Variants in UNC5D observed in about 807,000 individuals in gnomAD.
UNC5D encodes the protein unc-5 netrin receptor D.
In UNC5D, 39 loss-of-function variants were observed where a neutral mutation model predicts 105.4. The observed-to-expected ratio is 0.37, with a 90% CI of 0.29 to 0.48. The LOEUF is 0.48. Among genes scored for constraint, UNC5D ranks in the 20% least tolerant of loss-of-function variants. The pLI is 0.98. For synonymous variants in UNC5D, 452 were observed against 450.4 expected, an observed-to-expected ratio of 1.00 and a Z score of -0.04; for missense variants, 991 against 1,202.4, an observed-to-expected ratio of 0.82 and a Z score of 2.60.
rs1813028977 is a variant in UNC5D at position 35,515,201 on chromosome 8, T to C, written c.104-34091T>C. Among the ~76,000 whole-genome samples, 2 of 152,238 alleles carry C rather than the reference T, an allele frequency of 1.3e-5. 1 individual carries two copies. Among genetic ancestry groups the C allele is most frequent in the South Asian group, 4.1e-4 (2 of 4,826 alleles). On this transcript the variant is annotated intron_variant, in intron 1 of 16. Coordinates refer to ENST00000404895, the MANE Select transcript of UNC5D (RefSeq NM_080872.4). ...AACTTTTGTGGCCTTACCAAAGATC[T>C]GAATTAATTGCCTGAAATTATTGTT...
intron 1 of UNC5D, among the ~76,000 whole-genome samples, chr8:35,262,777 G>A (rs1304518168): frequency 6.6e-6 from 1 of 152,124 alleles, no homozygotes; most frequent in Non-Finnish European, 1.5e-5. Context: ...GCTTCTTAAA[G>A]TGATTTATAG....
intron 1 of UNC5D, among the ~76,000 whole-genome samples, chr8:35,396,208 T>C (rs1340651668): frequency 6.6e-6 from 1 of 152,158 alleles, no homozygotes. Context: ...TCCCCGTAAC[T>C]ACTCTCAGGG....
chr8:35,396,587 T>C (rs1435432003), intron 1 of UNC5D, among the ~76,000 whole-genome samples: 1 of 151,962 alleles, frequency 6.6e-6, no homozygotes, highest in Non-Finnish European at 1.5e-5. Flanking sequence ...AACCTGTGTC[T>C]CCTGGGTTCA....
At chr8:35,740,016 T>C (rs1220380263) in intron 11 of UNC5D, among the ~76,000 whole-genome samples, 1 of 152,170 alleles carries the variant, frequency 6.6e-6, no homozygotes, top group Non-Finnish European at 1.5e-5. Context: ...CAAATTACGG[T>C]GGGTGTTCTG....
At position 35,649,895 on chromosome 8, in the gene UNC5D, G is replaced by T. The variant is rs535453422; in HGVS notation, c.571-33652G>T. ...GAGAAACCCGATGACTGAATCTACCGTAGTATTCTCGTCTCCATCCTGGAA... is the reference window on the plus strand; with the variant it reads ...GAGAAACCCGATGACTGAATCTACCTTAGTATTCTCGTCTCCATCCTGGAA... On this transcript the variant is annotated intron_variant, in intron 4 of 16. Coordinates refer to ENST00000404895, the MANE Select transcript of UNC5D (RefSeq NM_080872.4). Among the ~76,000 whole-genome samples the T allele has an allele frequency of 3.9e-5, 6 of 152,216 alleles. No individual in the cohort carries two copies. In the South Asian group the frequency reaches 1.2e-3, roughly 32 times the overall value.
At chr8:35,663,340 A>G (rs1461645075) in intron 4 of UNC5D, among the ~76,000 whole-genome samples, 3 of 152,166 alleles carry the variant, frequency 2.0e-5, no homozygotes, top group Admixed American at 6.5e-5. Context: ...CCTTATTCCA[A>G]TTCAGGGTAC....
chr8:35,290,605 T>G (rs2128860764), intron 1 of UNC5D, among the ~76,000 whole-genome samples: 1 of 152,226 alleles, frequency 6.6e-6, no homozygotes, highest in South Asian at 2.1e-4. Flanking sequence ...AATAATGTAT[T>G]ATATACTTCA....
At chr8:35,643,186 C>T (rs535766003) in intron 4 of UNC5D, among the ~76,000 whole-genome samples, 1 of 152,254 alleles carries the variant, frequency 6.6e-6, no homozygotes, top group African/African-American at 2.4e-5. Flanking sequence ...GTGGCCTCCA[C>T]CCAATAGGCA....
At chr8:35,341,265 C>T (rs1439728789) in intron 1 of UNC5D, among the ~76,000 whole-genome samples, 6 of 152,042 alleles carry the variant, frequency 3.9e-5, no homozygotes, top group Non-Finnish European at 7.4e-5. Flanking sequence ...ACACTTGTCA[C>T]TCATTTTTGA....
At chr8:35,651,606 G>A (rs1349306671) in intron 4 of UNC5D, among the ~76,000 whole-genome samples, 2 of 152,122 alleles carry the variant, frequency 1.3e-5, no homozygotes, top group Admixed American at 1.3e-4. Flanking sequence ...GGGTGAATTC[G>A]TGCTCCTGCA....
At chr8:35,385,535 C>T (rs1437868378) in intron 1 of UNC5D, among the ~76,000 whole-genome samples, 1 of 148,054 alleles carries the variant, frequency 6.8e-6, no homozygotes, top group Non-Finnish European at 1.5e-5. Flanking sequence ...GTGCAATCTC[C>T]GCTCACTGCA....
At chr8:35,697,630 TTG>T (rs995087442) in intron 7 of UNC5D, among the ~76,000 whole-genome samples, 3 of 152,142 alleles carry the variant, frequency 2.0e-5, no homozygotes, top group African/African-American at 7.2e-5. Flanking sequence ...TTTGTAATAT[TTG>T]TGATTGCAAT....
At chr8:35,313,203 T>C (rs778671432) in intron 1 of UNC5D, among the ~76,000 whole-genome samples, 8 of 152,204 alleles carry the variant, frequency 5.3e-5, no homozygotes, top group Non-Finnish European at 1.2e-4. Flanking sequence ...CTTACATAAA[T>C]TGTAAATATG....
chr8:35,250,572 G>A (rs372366636), intron 1 of UNC5D, among the ~76,000 whole-genome samples: 74 of 152,222 alleles, frequency 4.9e-4, no homozygotes, highest in African/African-American at 1.6e-3. Context: ...TCGGCTCACC[G>A]CAACCTCCGC....
intron 1 of UNC5D, among the ~76,000 whole-genome samples, chr8:35,452,570 CTAT>C (rs1808230302): frequency 6.6e-6 from 1 of 152,062 alleles, no homozygotes; most frequent in Non-Finnish European, 1.5e-5. Context: ...GGCCTAATAT[CTAT>C]TATTAACAAA....
At chr8:35,364,081 G>T (rs574687716) in intron 1 of UNC5D, among the ~76,000 whole-genome samples, 1 of 152,096 alleles carries the variant, frequency 6.6e-6, no homozygotes, top group Non-Finnish European at 1.5e-5. Flanking sequence ...TGGGAGAACT[G>T]CTTGAACCCA....
chr8:35,662,186 CAAA>C (rs10692805), intron 4 of UNC5D, among the ~76,000 whole-genome samples: 1,113 of 108,652 alleles, frequency 0.01, 17 homozygotes, highest in African/African-American at 0.031. Flanking sequence ...CAAAAGCTTT[CAAA>C]AAAAAAAAAA....
chr8:35,742,539 A>C (rs1225716096), intron 11 of UNC5D, among the ~76,000 whole-genome samples: 1 of 152,098 alleles, frequency 6.6e-6, no homozygotes, highest in Non-Finnish European at 1.5e-5. Context: ...CCCTGGGTAA[A>C]GGTGATCAAA....
intron 1 of UNC5D, among the ~76,000 whole-genome samples, chr8:35,368,587 G>A (rs1350064277): frequency 6.7e-6 from 1 of 149,530 alleles, no homozygotes; most frequent in East Asian, 1.9e-4. Flanking sequence ...TAATTCAATT[G>A]TATATTATAT....
Sources: gnomAD v4.1 joint callset for allele counts (sites outside exome capture counted in the v4.1 genomes callset) on GRCh38, gnomAD v4.1.1 for gene constraint, MANE v1.5 for transcripts, NCBI Gene and HGNC (gene_info 2026-07-23, HGNC 2026-07-21) for gene names.